Variants in NFASC observed in about 807,000 individuals in gnomAD.
NFASC encodes neurofascin homolog.
A neutral mutation model predicts 147.5 loss-of-function variants in NFASC; 43 were observed. That is an observed-to-expected ratio of 0.29 (90% CI 0.23 to 0.38). The LOEUF (loss-of-function observed/expected upper bound fraction) is 0.38. Among genes scored for constraint, NFASC ranks in the 10% least tolerant of loss-of-function variants. The pLI, the probability that NFASC is intolerant of heterozygous loss-of-function variation, is 1.00. For missense variants in NFASC, 1,320 were observed against 1,689.0 expected (o/e 0.78, Z 3.83); for synonymous variants, 622 against 665.5 (o/e 0.93, Z 1.01).
At chr1:204,945,409 G>A (rs1002280602) in intron 3 of NFASC, among the ~76,000 whole-genome samples, 15 of 152,310 alleles carry the variant, frequency 9.8e-5, no homozygotes, top group Admixed American at 2.6e-4. Flanking sequence ...CTAAAAAGTC[G>A]TCCCTGAGCT....
intron 1 of NFASC, among the ~76,000 whole-genome samples, chr1:204,914,873 G>A (rs1262136984): frequency 1.3e-5 from 2 of 152,160 alleles, no homozygotes; most frequent in African/African-American, 2.4e-5. Flanking sequence ...GATATGTATT[G>A]TAGCAATTTT....
intron 1 of NFASC, among the ~76,000 whole-genome samples, chr1:204,868,739 G>A (rs1470697418): frequency 6.6e-6 from 1 of 152,212 alleles, no homozygotes; most frequent in East Asian, 1.9e-4. Flanking sequence ...AGAACAGGAG[G>A]CAGGAGCATG....
At chr1:204,967,653 G>A (rs987146749) in intron 8 of NFASC, among the ~76,000 whole-genome samples, 2 of 150,724 alleles carry the variant, frequency 1.3e-5, no homozygotes, top group African/African-American at 4.9e-5. Flanking sequence ...GAATGGTCTT[G>A]GCCCCGGAGT....
chr1:204,951,936 A>G, intron 4 of NFASC, 75 bp from the exon 5 acceptor site: 3 of 1,221,284 alleles, frequency 2.5e-6, no homozygotes, highest in African/African-American at 3.0e-5. Context: ...GAAGCTCTTC[A>G]TCTCAGCTGT....
At chr1:204,948,663 T>C (rs771616414) in intron 3 of NFASC, 1 of 519,088 alleles carries the variant, frequency 1.9e-6, no homozygotes, top group Non-Finnish European at 3.8e-6. Context: ...GCAAACTTCC[T>C]GTATGATCTT....
At chr1:204,978,754 T>TGG (rs141008046) in intron 17 of NFASC, among the ~76,000 whole-genome samples, 34 of 150,928 alleles carry the variant, frequency 2.3e-4, no homozygotes, top group African/African-American at 5.8e-4. Flanking sequence ...ATATTCTTTG[T>TGG]GGGGGGGGGC....
At chr1:204,885,462 G>A (rs2369422) in intron 1 of NFASC, among the ~76,000 whole-genome samples, 64 of 152,150 alleles carry the variant, frequency 4.2e-4, no homozygotes, top group African/African-American at 1.3e-3. Context: ...AATGGTGAAA[G>A]AATTTTCCAC....
intron 1 of NFASC, among the ~76,000 whole-genome samples, chr1:204,863,775 G>C (rs1422677424): frequency 1.3e-5 from 2 of 151,496 alleles, no homozygotes; most frequent in African/African-American, 2.4e-5. Flanking sequence ...TTGAACCCAG[G>C]GGGCAGAGGT....
intron 1 of NFASC, among the ~76,000 whole-genome samples, chr1:204,902,899 G>A (rs1196686256): frequency 2.6e-5 from 4 of 152,196 alleles, no homozygotes; most frequent in Admixed American, 2.0e-4. Context: ...GAGGCCAGAC[G>A]GCAGGGAGGT....
In NFASC at chr1:204,968,104, A is replaced by G. The variant is rs2095059287; in HGVS notation, c.707-145A>G. ...TGGGCTTCCTAACACACCTCACTTAATGATGCCCAAGTCCTTGGGATGGTT... is the reference window on the plus strand; with the variant it reads ...TGGGCTTCCTAACACACCTCACTTAGTGATGCCCAAGTCCTTGGGATGGTT... On this transcript the variant is annotated intron_variant, in intron 8 of 29. Coordinates refer to ENST00000339876, the MANE Select transcript of NFASC (RefSeq NM_001005388.3). This position sits in a 1 kb window ranked among gnomAD's most constrained non-coding sequence, Gnocchi z 5.4. 1.6e-6 allele frequency: 1 copy of G among 634,630 alleles called. No individual in the cohort carries two copies. Among genetic ancestry groups the G allele is most frequent in the African/African-American group, 1.8e-5 (1 of 55,046 alleles). 39.3% of individuals were successfully genotyped at this position (634,630 alleles called of 1,614,324 possible).
chr1:204,944,156 C>A lies in NFASC; in HGVS notation c.-90-70C>A, dbSNP rs994254963. On this transcript the variant is annotated intron_variant, in intron 2 of 29. Coordinates refer to ENST00000339876, the MANE Select transcript of NFASC (RefSeq NM_001005388.3). ...AAGGGGGCTCTTCGGTCCTCCAAAG[C>A]CCTGTAGGATTGCTAGAGCAAACCA... 2.3e-5 allele frequency: 32 copies of A among 1,408,446 alleles called. No homozygotes were observed. In the African/African-American group the frequency reaches 4.1e-4, roughly 18 times the overall value. The allele number at this position is 1,408,446 out of a possible 1,614,324, so 87.2% of individuals were successfully genotyped here.
At position 204,920,625 on chromosome 1, in the gene NFASC, G is replaced by C. The variant is rs1213180669; in HGVS notation, c.-199-7G>C. On this transcript the variant is annotated splice_region_variant and splice_polypyrimidine_tract_variant and intron_variant, in intron 1 of 29. Coordinates refer to ENST00000339876, the MANE Select transcript of NFASC (RefSeq NM_001005388.3). ...CTGGGGTTCTCCTTTGTGCTTGCTT[G>C]AGACAGGTTGATTGACTTATGTGCA... The C allele has an allele frequency of 1.6e-6, 2 of 1,277,422 alleles. No homozygotes were observed. The highest frequency in any genetic ancestry group is 2.1e-4 in the Middle Eastern group (1 of 4,674). The allele number at this position is 1,277,422 out of a possible 1,614,324, so 79.1% of individuals were successfully genotyped here. A position where few individuals can be genotyped will look rare whatever the true frequency, so the allele number is the denominator to read the frequency against.
chr1:204,977,279 C>T, intron 16 of NFASC: 1 of 305,822 alleles, frequency 3.3e-6, no homozygotes, highest in Non-Finnish European at 5.3e-6. Context: ...TCCTGTCCTG[C>T]ACCCAGGCTG....
At chr1:204,837,890 G>A (rs1674217119) in intron 1 of NFASC, among the ~76,000 whole-genome samples, 2 of 152,170 alleles carry the variant, frequency 1.3e-5, no homozygotes, top group Non-Finnish European at 2.9e-5. Context: ...GTCCACGTAT[G>A]CAGGCTAAGA....
chr1:204,969,012 A>G (rs1170260148), intron 10 of NFASC, 30 bp downstream of exon 10: 1 of 1,593,044 alleles, frequency 6.3e-7, no homozygotes, highest in African/African-American at 1.3e-5. Flanking sequence ...CATTATGATT[A>G]TGTTGCCAAC....
intron 23 of NFASC, 84 bp downstream of exon 23, chr1:204,988,890 G>A: frequency 7.4e-7 from 1 of 1,343,206 alleles, no homozygotes; most frequent in South Asian, 1.2e-5. Flanking sequence ...GTAGCTGGCT[G>A]CCTGGGATGG....
In NFASC at chr1:204,993,453, A is replaced by G. The variant is rs138911588; in HGVS notation, c.2782+2147A>G. ...GGCAGGTTCTGGGACAGAAAGATGA[A>G]TGACACATGTCATCTCTCCTCAGTG... On this transcript the variant is annotated intron_variant, in intron 24 of 29. Transcript: ENST00000339876. Among the ~76,000 whole-genome samples the G allele has an allele frequency of 4.6e-3, 704 of 152,322 alleles. 4 individuals carry two copies. The highest frequency in any genetic ancestry group is 0.016 in the African/African-American group (673 of 41,558).
intron 27 of NFASC, among the ~76,000 whole-genome samples, chr1:205,008,009 TCA>T (rs1164507664): frequency 6.6e-6 from 1 of 152,126 alleles, no homozygotes; most frequent in Non-Finnish European, 1.5e-5. Context: ...ATCATGGTAC[TCA>T]CAAGCCTTGT....
intron 8 of NFASC, among the ~76,000 whole-genome samples, chr1:204,962,904 G>A (rs1326112241): frequency 6.6e-6 from 1 of 152,142 alleles, no homozygotes; most frequent in Non-Finnish European, 1.5e-5. Flanking sequence ...TGATTAATAG[G>A]GTAATTGGCT....
Sources: gnomAD v4.1 joint callset for allele counts (sites outside exome capture counted in the v4.1 genomes callset) on GRCh38, gnomAD v4.1.1 for gene constraint, Gnocchi (gnomAD v3.1) non-coding constraint, MANE v1.5 for transcripts, NCBI Gene and HGNC (gene_info 2026-07-23, HGNC 2026-07-21) for gene names.